The following PLXND1 variants were observed in gnomAD, a reference collection of about 807,000 sequenced individuals.
PLXND1 encodes the protein plexin-D1.
PLXND1 carries 54 observed loss-of-function variants against 197.7 expected under a neutral mutation model. The observed-to-expected ratio is 0.27, with a 90% CI of 0.22 to 0.34. The LOEUF is 0.34. PLXND1 is among the 10% of genes least tolerant of loss of function. The pLI is 1.00. For synonymous variants in PLXND1, 1,180 were observed against 1,161.2 expected (o/e 1.02, Z -0.33); for missense variants, 2,127 against 2,699.2 (o/e 0.79, Z 4.70).
At chr3:129,584,269 G>A (rs1210176833) in intron 6 of PLXND1, 36 bp from the exon 7 acceptor site, 1 of 1,592,524 alleles carries the variant, frequency 6.3e-7, no homozygotes, top group Non-Finnish European at 8.6e-7. Context: ...AGGACATGGG[G>A]GCAGGGGATT....
Position 129,558,362 on chromosome 3 carries a change from T to A in PLXND1, c.5445+66A>T. On this transcript the variant is annotated intron_variant, in intron 33 of 35. Transcript: ENST00000324093. This position sits in a 1 kb window ranked among gnomAD's most constrained non-coding sequence, Gnocchi z 4.1. ...CTCAGCCTCAGAGAGTCGAGGAGGC[T>A]ACCCATGGTCGGCACCCCACTCTGG... 6.7e-7 allele frequency: 1 copy of A among 1,486,196 alleles called. No individual in the cohort carries two copies. Among genetic ancestry groups the A allele is most frequent in the Non-Finnish European group, 9.2e-7 (1 of 1,082,492 alleles). The allele number at this position is 1,486,196 out of a possible 1,614,324, so 92.1% of individuals were successfully genotyped here.
rs772896061 is a variant in PLXND1, at chr3:129,566,033, G to C, written c.4192-16C>G. ...TCTCAGGAATCTGTGGAAGCAACTG[G>C]TGATGGGGTGTCCAGAGGGGCCCAG... On this transcript the variant is annotated splice_polypyrimidine_tract_variant and intron_variant, in intron 23 of 35. Coordinates refer to ENST00000324093, the MANE Select transcript of PLXND1 (RefSeq NM_015103.3). 2.5e-6 allele frequency: 4 copies of C among 1,613,960 alleles called. No individual in the cohort carries two copies. The East Asian group carries it at 8.9e-5, about 36-fold the overall frequency.
At chr3:129,584,274 G>A in intron 6 of PLXND1, 41 bp from the exon 7 acceptor site, 1 of 1,581,086 alleles carries the variant, frequency 6.3e-7, no homozygotes, top group South Asian at 1.1e-5. Context: ...ATGGGGGCAG[G>A]GGATTGCCAC....
At chr3:129,560,492 G>A in intron 30 of PLXND1, 58 bp from the exon 31 acceptor site, 1 of 1,263,276 alleles carries the variant, frequency 7.9e-7, no homozygotes, top group Non-Finnish European at 1.1e-6. Context: ...GCCGCCTGTG[G>A]GAGGTCTGGC....
Position 129,556,392 on chromosome 3 carries a change from T to C in PLXND1, c.5698A>G (p.Arg1900Gly), listed in dbSNP as rs780210348. 7 of 1,614,166 alleles carry C rather than the reference T, an allele frequency of 4.3e-6. No homozygotes were observed. In the South Asian group the frequency reaches 7.7e-5, roughly 18 times the overall value. Residue 1900 changes from arginine (R) to glycine (G), a missense_variant, in exon 36 of 36, where the codon AGG becomes GGG. This residue lies in a region of PLXND1 where 200 missense variants were observed against 303.3 expected (regional missense o/e 0.66). Coordinates refer to ENST00000324093, the MANE Select transcript of PLXND1 (RefSeq NM_015103.3). ...AALEANPTAR[R>G]TQLQHKFEQV... ...TCAAACTTGTGCTGCAGTTGTGTCC[T>C]CCGGGCCGTGGGGTTGGCCTCCAGC...
chr3:129,558,347 G>C lies in PLXND1; in HGVS notation c.5445+81C>G. 2 of 1,342,984 alleles carry C rather than the reference G, an allele frequency of 1.5e-6. No homozygotes were observed. Among genetic ancestry groups the C allele is most frequent in the Non-Finnish European group, 2.1e-6 (2 of 965,806 alleles). The allele number at this position is 1,342,984 out of a possible 1,614,324, so 83.2% of individuals were successfully genotyped here. On this transcript the variant is annotated intron_variant, in intron 33 of 35. Transcript: ENST00000324093. The surrounding 1 kb of genome is among the most constrained non-coding windows in gnomAD (Gnocchi z 4.1). ...AGGAAGATCTCTGAGCTCAGCCTCA[G>C]AGAGTCGAGGAGGCTACCCATGGTC...
intron 27 of PLXND1, chr3:129,562,447 C>T (rs1195637917): frequency 3.9e-6 from 1 of 256,132 alleles, no homozygotes. Flanking sequence ...GAGGTCGAGG[C>T]TGCAGTGAGC....
At chr3:129,560,931 G>A (rs2085049134) in intron 29 of PLXND1, 6 of 673,144 alleles carry the variant, frequency 8.9e-6, no homozygotes, top group South Asian at 6.0e-5. Context: ...ATGCAGAGAC[G>A]CATGGGGAGA....
intron 27 of PLXND1, chr3:129,562,556 G>A (rs990050514): frequency 2.2e-6 from 1 of 447,836 alleles, no homozygotes; most frequent in African/African-American, 2.0e-5. Flanking sequence ...CCTCCTTTAG[G>A]AATTAGGAAG....
At position 129,567,617 on chromosome 3, in the gene PLXND1, C is replaced by A. The variant is rs751460874; in HGVS notation, c.3974-13G>T. The A allele has an allele frequency of 1.2e-6, 2 of 1,601,942 alleles. No homozygotes were observed. Among genetic ancestry groups the A allele is most frequent in the Non-Finnish European group, 1.7e-6 (2 of 1,169,826 alleles). ...AGCTCAGCGAAGCCTGGCGGACACA[C>A]GGACAGCCGTGAGCGGCCCGAGAAC... On this transcript the variant is annotated splice_polypyrimidine_tract_variant and intron_variant, in intron 21 of 35. Coordinates refer to ENST00000324093, the MANE Select transcript of PLXND1 (RefSeq NM_015103.3).
Position 129,558,580 on chromosome 3 carries a change from GGGGTAGGGTGACAAAGACAGTGA to G in PLXND1, c.5298-28_5298-6del, listed in dbSNP as rs1250471607. On this transcript the variant is annotated splice_region_variant and splice_polypyrimidine_tract_variant and intron_variant, in intron 32 of 35. Coordinates refer to ENST00000324093, the MANE Select transcript of PLXND1 (RefSeq NM_015103.3). This position sits in a 1 kb window ranked among gnomAD's most constrained non-coding sequence, Gnocchi z 4.1. ...ACCCAGAACCGGAGAGGAAGGCTGT[GGGGTAGGGTGACAAAGACAGTGA>G]GGGTAGGGTGGGGTAGGAAGCAGTC... 2 of 1,613,530 alleles carry G rather than the reference GGGGTAGGGTGACAAAGACAGTGA, an allele frequency of 1.2e-6. No individual in the cohort carries two copies. The highest frequency in any genetic ancestry group is 2.7e-5 in the African/African-American group (2 of 74,934).
At chr3:129,599,730 G>T (rs1471254744) in intron 1 of PLXND1, among the ~76,000 whole-genome samples, 1 of 152,178 alleles carries the variant, frequency 6.6e-6, no homozygotes, top group Non-Finnish European at 1.5e-5. Flanking sequence ...GCCCCAGCCC[G>T]CCTGAGTCAC....
Position 129,559,617 on chromosome 3 carries a change from C to T in PLXND1, c.5297+3G>A. The T allele has an allele frequency of 6.3e-7, 1 of 1,594,626 alleles. No individual in the cohort carries two copies. The highest frequency in any genetic ancestry group is 8.6e-7 in the Non-Finnish European group (1 of 1,169,458). On this transcript the variant is annotated splice_donor_region_variant and intron_variant, in intron 32 of 35. Transcript: ENST00000324093. The stretch of plus-strand genomic sequence containing the variant: ...AAGTCCACACGGCCCCCCCACCCGC[C>T]ACCTGTTGGTCTTCCAGATGTGTAG...
chr3:129,573,068 A>G, intron 13 of PLXND1, 127 bp from the exon 14 acceptor site: 1 of 663,606 alleles, frequency 1.5e-6, no homozygotes. Flanking sequence ...AATTTACCCC[A>G]TCAGTTTCCC....
intron 8 of PLXND1, among the ~76,000 whole-genome samples, chr3:129,581,209 G>A (rs182966305): frequency 1.8e-4 from 28 of 152,300 alleles, no homozygotes; most frequent in African/African-American, 6.7e-4. Context: ...GCACCACTAC[G>A]ACTAACTGGC....
At chr3:129,569,616 C>A in intron 20 of PLXND1, 1 of 518,326 alleles carries the variant, frequency 1.9e-6, no homozygotes, top group South Asian at 2.5e-5. Context: ...GGGACCTGGG[C>A]GTGGGCCTAG....
chr3:129,595,882 G>A (rs549427439), intron 1 of PLXND1, among the ~76,000 whole-genome samples: 1 of 151,340 alleles, frequency 6.6e-6, no homozygotes, highest in Admixed American at 6.6e-5. Flanking sequence ...TGACACTACA[G>A]CTACTGGGGG....
chr3:129,565,194 C>T (rs1031456818), intron 25 of PLXND1, 146 bp downstream of exon 25: 12 of 670,400 alleles, frequency 1.8e-5, no homozygotes, highest in Non-Finnish European at 2.4e-5. Context: ...ACAGGTCCTA[C>T]GGGCCTGGCC....
At chr3:129,560,947 T>C in intron 29 of PLXND1, 1 of 663,908 alleles carries the variant, frequency 1.5e-6, no homozygotes, top group South Asian at 1.5e-5. Context: ...GGAGACTGAG[T>C]CTGGGAGAGA....
Sources: allele counts gnomAD v4.1 joint callset (sites outside exome capture counted in the v4.1 genomes callset), GRCh38; gene constraint gnomAD v4.1.1; regional missense constraint gnomAD v4.1.1; non-coding constraint Gnocchi (gnomAD v3.1); transcripts MANE v1.5; gene names NCBI Gene and HGNC (gene_info 2026-07-23, HGNC 2026-07-21).